Variants in ABCD2 observed in about 807,000 individuals in gnomAD.
ABCD2 encodes the protein ATP binding cassette subfamily D member 2.
ABCD2 carries 36 observed loss-of-function variants against 70.9 expected under a neutral mutation model. The observed-to-expected ratio is 0.51, with a 90% CI of 0.39 to 0.67. The LOEUF (loss-of-function observed/expected upper bound fraction) is 0.67. Ranked by LOEUF, ABCD2 falls within the 30% of genes least tolerant of loss-of-function variation. ABCD2 has a pLI of 0.00. For synonymous variants in ABCD2, 304 were observed against 306.9 expected (o/e 0.99, Z 0.10); for missense variants, 729 against 890.2 (o/e 0.82, Z 2.30).
At chr12:39,601,552 G>C (rs901507340) in intron 5 of ABCD2, among the ~76,000 whole-genome samples, 1 of 151,910 alleles carries the variant, frequency 6.6e-6, no homozygotes, top group African/African-American at 2.4e-5. Context: ...GGTATTTAAA[G>C]GGTATTGTGA....
At chr12:39,591,531 G>A (rs1221115505) in intron 6 of ABCD2, among the ~76,000 whole-genome samples, 1 of 152,022 alleles carries the variant, frequency 6.6e-6, no homozygotes, top group Non-Finnish European at 1.5e-5. Context: ...GCTCAACATG[G>A]TGAAACCCCA....
rs886365792 is a variant in ABCD2 at position 39,551,563 on chromosome 12, T to A, written c.*2349A>T. The A allele has an allele frequency of 1.3e-5, 2 of 151,790 alleles. No homozygotes were observed. The highest frequency in any genetic ancestry group is 4.8e-5 in the African/African-American group (2 of 41,426). The allele number at this position is 151,790 out of a possible 1,614,324, so 9.4% of individuals were successfully genotyped here. The stretch of plus-strand genomic sequence containing the variant: ...GATGTTTTCCCTTCCAAGTTAAGGA[T>A]GTTGGTCCTGAAAAATAAATTCAGA... On this transcript the variant is annotated 3_prime_UTR_variant, in exon 10 of 10. Coordinates refer to ENST00000308666, the MANE Select transcript of ABCD2 (RefSeq NM_005164.4).
intron 3 of ABCD2, 98 bp from the exon 4 acceptor site, chr12:39,605,028 G>T: frequency 2.0e-6 from 2 of 978,142 alleles, no homozygotes; most frequent in Non-Finnish European, 2.8e-6. Flanking sequence ...TAATGTAAAA[G>T]ATTATATTGC....
the ABCD2 span, among the ~76,000 whole-genome samples, chr12:39,531,656 TTTGATCAGATTATTAAGGGA>T: frequency 6.6e-6 from 1 of 152,238 alleles, no homozygotes; most frequent in Non-Finnish European, 1.5e-5. Context: ...CATTCCTCTC[TTTGATCAGATTATTAAGGGA>T]GTTCAGTCTT....
At chr12:39,589,834 T>C (rs1338818912) in intron 6 of ABCD2, among the ~76,000 whole-genome samples, 1 of 152,226 alleles carries the variant, frequency 6.6e-6, no homozygotes, top group Non-Finnish European at 1.5e-5. Flanking sequence ...TATTGTTTTA[T>C]TAAAGTTCAA....
chr12:39,534,796 AAGAAAG>A, the ABCD2 span, among the ~76,000 whole-genome samples: 1 of 150,266 alleles, frequency 6.7e-6, no homozygotes, highest in South Asian at 2.1e-4. Context: ...GAAAGAAAGA[AAGAAAG>A]AAAGAAAAGA....
chr12:39,604,527 C>G (rs561562092), intron 4 of ABCD2, among the ~76,000 whole-genome samples: 112 of 151,970 alleles, frequency 7.4e-4, no homozygotes, highest in Middle Eastern at 3.4e-3. Flanking sequence ...GTGCAGTTTC[C>G]AAAAATAATT....
chr12:39,604,846 T>G lies in ABCD2; in HGVS notation c.1321A>C (p.Thr441Pro). Residue 441 changes from threonine to proline, a missense_variant, in exon 4 of 10, where the codon ACT (threonine) becomes CCT (proline). Coordinates refer to ENST00000308666, the MANE Select transcript of ABCD2 (RefSeq NM_005164.4). ...CTTTCAGATTCTTGAATGACAGCAG[T>G]TCTCTTATAAATGCCTCTTTTTACT... The part of the protein sequence containing the change: ...DEVKRGIYKR[T>P]AVIQESESHS... The G allele has an allele frequency of 6.2e-7, 1 of 1,612,756 alleles. No individual in the cohort carries two copies. The highest frequency in any genetic ancestry group is 8.5e-7 in the Non-Finnish European group (1 of 1,179,258).
At chr12:39,567,023 C>T (rs957834427) in intron 9 of ABCD2, among the ~76,000 whole-genome samples, 1 of 152,206 alleles carries the variant, frequency 6.6e-6, no homozygotes, top group Admixed American at 6.5e-5. Flanking sequence ...TGTTCTTTTA[C>T]GTTTGATGAG....
At chr12:39,597,832 C>T (rs1412604472) in intron 6 of ABCD2, among the ~76,000 whole-genome samples, 4 of 152,136 alleles carry the variant, frequency 2.6e-5, no homozygotes, top group African/African-American at 9.7e-5. Context: ...TAAAGGGAAG[C>T]TGTTATGAAA....
rs145978726 is a variant in ABCD2 at position 39,551,200 on chromosome 12, A to G, written c.*2712T>C. 2.4e-3 allele frequency: 369 copies of G among 151,840 alleles called. 4 individuals are homozygous for G. Among genetic ancestry groups the G allele is most frequent in the African/African-American group, 8.4e-3 (349 of 41,542 alleles). 9.4% of individuals were successfully genotyped at this position (151,840 alleles called of 1,614,324 possible). A position where few individuals can be genotyped will look rare whatever the true frequency, so the allele number is the denominator to read the frequency against. ...TAACATTACATGCTGTAGAAATATA[A>G]TGCAACGTTTTCATAGAATCCAACT... On this transcript the variant is annotated 3_prime_UTR_variant, in exon 10 of 10. Coordinates refer to ENST00000308666, the MANE Select transcript of ABCD2 (RefSeq NM_005164.4).
At chr12:39,612,599 C>T (rs76337729) in intron 2 of ABCD2, among the ~76,000 whole-genome samples, 1,690 of 152,222 alleles carry the variant, frequency 0.011, 25 homozygotes, top group African/African-American at 0.039. Flanking sequence ...CCCATATTGG[C>T]ATATATGCTA....
chr12:39,591,424 A>C (rs1195991161), intron 6 of ABCD2, among the ~76,000 whole-genome samples: 1 of 152,190 alleles, frequency 6.6e-6, no homozygotes, highest in African/African-American at 2.4e-5. Context: ...AATAAAAATA[A>C]TATTAGGCCA....
chr12:39,605,421 A>G (rs1001068717), intron 3 of ABCD2, among the ~76,000 whole-genome samples: 1 of 152,160 alleles, frequency 6.6e-6, no homozygotes, highest in Non-Finnish European at 1.5e-5. Flanking sequence ...GGATACCAAT[A>G]TTGAGAGCAA....
At position 39,578,517 on chromosome 12, in the gene ABCD2, CCTTCTGTGCTGCAAAA is replaced by C. The variant is rs1195674504; in HGVS notation, c.1877+1002_1877+1017del. Reference sequence around the variant, plus strand: ...AAGTGAGTAACATAGTTTCTGACAACCTTCTGTGCTGCAAAACTCAGGTTCTTATTGCCAGAGATCC... The same window carrying C: ...AAGTGAGTAACATAGTTTCTGACAACCTCAGGTTCTTATTGCCAGAGATCC... On this transcript the variant is annotated intron_variant, in intron 8 of 9. Coordinates refer to ENST00000308666, the MANE Select transcript of ABCD2 (RefSeq NM_005164.4). Among the ~76,000 whole-genome samples the C allele has an allele frequency of 4.7e-5, 7 of 149,856 alleles. No homozygotes were observed. The East Asian group carries it at 1.4e-3, about 29-fold the overall frequency.
chr12:39,609,592 CCTTCTATACATTAT>C (rs1942017868), intron 2 of ABCD2, among the ~76,000 whole-genome samples: 1 of 152,030 alleles, frequency 6.6e-6, no homozygotes, highest in Non-Finnish European at 1.5e-5. Flanking sequence ...TCTAGCTGGT[CCTTCTATACATTAT>C]CTTCAAATTT....
At chr12:39,581,750 G>A (rs1466750719) in intron 7 of ABCD2, among the ~76,000 whole-genome samples, 1 of 152,218 alleles carries the variant, frequency 6.6e-6, no homozygotes, top group African/African-American at 2.4e-5. Flanking sequence ...AATAAATCAC[G>A]TTCTTTGTTC....
At chr12:39,602,288 G>A (rs1278504705) in intron 5 of ABCD2, among the ~76,000 whole-genome samples, 1 of 151,848 alleles carries the variant, frequency 6.6e-6, no homozygotes, top group Non-Finnish European at 1.5e-5. Flanking sequence ...GAGTAACTGG[G>A]ATTACAGGTG....
At chr12:39,616,881 C>T in intron 2 of ABCD2, 107 bp downstream of exon 2, 1 of 1,004,142 alleles carries the variant, frequency 1.0e-6, no homozygotes, top group Admixed American at 2.9e-5. Context: ...CCATTGTTAA[C>T]TAGAATATGA....
Sources: allele counts gnomAD v4.1 joint callset (sites outside exome capture counted in the v4.1 genomes callset), GRCh38; gene constraint gnomAD v4.1.1; transcripts MANE v1.5; gene names NCBI Gene and HGNC (gene_info 2026-07-23, HGNC 2026-07-21).